Variants in EGFR observed in about 807,000 individuals in gnomAD.
EGFR encodes the protein epidermal growth factor receptor, also known as avian erythroblastic leukemia viral (v-erb-b) oncogene homolog.
In EGFR, 58 loss-of-function variants were observed where a neutral mutation model predicts 143.0. That is an observed-to-expected ratio of 0.41 (90% CI 0.33 to 0.50). EGFR has a LOEUF of 0.50. EGFR is among the 20% of genes least tolerant of loss of function. The pLI, the probability that EGFR is intolerant of heterozygous loss-of-function variation, is 0.39. For synonymous variants in EGFR, 613 were observed against 594.4 expected, an observed-to-expected ratio of 1.03 and a Z score of -0.45; for missense variants, 1,307 against 1,579.0, an observed-to-expected ratio of 0.83 and a Z score of 2.92.
intron 3 of EGFR, among the ~76,000 whole-genome samples, chr7:55,146,155 G>A (rs928956059): frequency 2.0e-5 from 3 of 151,626 alleles, no homozygotes; most frequent in Non-Finnish European, 2.9e-5. Context: ...GAAAAGCTCC[G>A]CCTGGGCATG....
chr7:55,100,300 GACACCATGAGCTC>G, intron 1 of EGFR, among the ~76,000 whole-genome samples: 1 of 152,336 alleles, frequency 6.6e-6, no homozygotes, highest in South Asian at 2.1e-4. Flanking sequence ...CCTCCTTGGG[GACACCATGAGCTC>G]ACTGTCATCA....
chr7:55,054,711 C>T (rs1474591818), intron 1 of EGFR, among the ~76,000 whole-genome samples: 1 of 152,176 alleles, frequency 6.6e-6, no homozygotes, highest in Non-Finnish European at 1.5e-5. Context: ...AGGTCTGGAC[C>T]CCTTGCGGGG....
rs575452085 is a variant in EGFR at position 55,092,686 on chromosome 7, T to C, written c.89-49600T>C. On this transcript the variant is annotated intron_variant, in intron 1 of 27. Coordinates refer to ENST00000275493, the MANE Select transcript of EGFR (RefSeq NM_005228.5). ...TCTCCGCCAGATCAAAACAAGCTCG[T>C]AGTATTAGATGTCACCGAGCACCAT... 6.6e-5 allele frequency among the ~76,000 whole-genome samples: 10 copies of C among 152,320 alleles called. 1 individual carries two copies. In the South Asian group the frequency reaches 2.1e-3, roughly 32 times the overall value.
intron 12 of EGFR, 56 bp from the exon 13 acceptor site, chr7:55,161,443 G>A (rs535570056): frequency 2.0e-5 from 31 of 1,582,474 alleles, no homozygotes; most frequent in Admixed American, 5.3e-5. Context: ...CGTCTCCTCC[G>A]GCCCCTCGGG....
At chr7:55,041,139 G>A (rs10243865) in intron 1 of EGFR, among the ~76,000 whole-genome samples, 6 of 152,292 alleles carry the variant, frequency 3.9e-5, no homozygotes, top group South Asian at 4.1e-4. Flanking sequence ...AAATCCAGGC[G>A]CAGTGGCTCA....
chr7:55,129,309 G>A (rs1038859890), intron 1 of EGFR, among the ~76,000 whole-genome samples: 1 of 152,214 alleles, frequency 6.6e-6, no homozygotes, highest in African/African-American at 2.4e-5. Context: ...GGAAAGCACT[G>A]GGGTGAGAAA....
chr7:55,034,190 T>C (rs913600944), intron 1 of EGFR, among the ~76,000 whole-genome samples: 1 of 152,196 alleles, frequency 6.6e-6, no homozygotes, highest in Non-Finnish European at 1.5e-5. Context: ...GAGAAAAGAA[T>C]GGATTTGTAT....
intron 1 of EGFR, among the ~76,000 whole-genome samples, chr7:55,089,939 CTTATTTATTTAT>C (rs201718066): frequency 0.28 from 41,301 of 145,058 alleles, 7,484 homozygotes; most frequent in East Asian, 0.89. Context: ...GGTGATGCTA[CTTATTTATTTAT>C]TTATTTATTT....
At chr7:55,143,512 TG>T (rs1794585664) in intron 3 of EGFR, 24 bp downstream of exon 3, 3 of 1,613,916 alleles carry the variant, frequency 1.9e-6, no homozygotes, top group South Asian at 1.1e-5. Flanking sequence ...ATGCCAAGGC[TG>T]GGGGTTCATA....
At chr7:55,131,441 G>A (rs1285670537) in intron 1 of EGFR, among the ~76,000 whole-genome samples, 5 of 152,114 alleles carry the variant, frequency 3.3e-5, no homozygotes. Flanking sequence ...TTTTAGGAAG[G>A]TTATTTTTCT....
intron 1 of EGFR, among the ~76,000 whole-genome samples, chr7:55,116,548 C>T (rs1792857477): frequency 6.6e-6 from 1 of 151,930 alleles, no homozygotes; most frequent in African/African-American, 2.4e-5. Flanking sequence ...CACACACACA[C>T]ACACACACAA....
At chr7:55,104,437 C>T (rs1376594007) in intron 1 of EGFR, among the ~76,000 whole-genome samples, 1 of 152,210 alleles carries the variant, frequency 6.6e-6, no homozygotes, top group Non-Finnish European at 1.5e-5. Context: ...CAGTCCTGCC[C>T]TAGCTGCCTA....
chr7:55,164,211 G>A (rs953420462), intron 14 of EGFR, among the ~76,000 whole-genome samples: 1 of 152,078 alleles, frequency 6.6e-6, no homozygotes, highest in South Asian at 2.1e-4. Flanking sequence ...GAAATTGCTA[G>A]CAAAACTTTT....
At chr7:55,055,650 A>T (rs1788761962) in intron 1 of EGFR, among the ~76,000 whole-genome samples, 1 of 151,218 alleles carries the variant, frequency 6.6e-6, no homozygotes, top group Non-Finnish European at 1.5e-5. Context: ...TGATTGCCCA[A>T]CTTCCTCTCT....
At chr7:55,100,579 C>T (rs997979399) in intron 1 of EGFR, among the ~76,000 whole-genome samples, 1 of 152,200 alleles carries the variant, frequency 6.6e-6, no homozygotes, top group African/African-American at 2.4e-5. Flanking sequence ...TGACCCTGCT[C>T]AAAGCTGTGG....
chr7:55,112,626 C>T, intron 1 of EGFR, among the ~76,000 whole-genome samples: 1 of 152,166 alleles, frequency 6.6e-6, no homozygotes, highest in Non-Finnish European at 1.5e-5. Context: ...TCCTGTGAAG[C>T]GAGGAAGGGT....
At chr7:55,157,462 A>G (rs1171321963) in intron 10 of EGFR, among the ~76,000 whole-genome samples, 1 of 152,236 alleles carries the variant, frequency 6.6e-6, no homozygotes, top group Admixed American at 6.5e-5. Context: ...GGAAGGCGGG[A>G]GGCAGCTGTG....
chr7:55,173,037 G>A lies in EGFR; in HGVS notation c.1974G>A (p.Leu658=), dbSNP rs2128952494. 1 of 1,614,052 alleles carries A rather than the reference G, an allele frequency of 6.2e-7. No individual in the cohort carries two copies. The highest frequency in any genetic ancestry group is 8.5e-7 in the Non-Finnish European group (1 of 1,180,034). The change falls in exon 17 of 28, where the codon CTG becomes CTA. Residue 658 remains leucine, a synonymous_variant. Coordinates refer to ENST00000275493, the MANE Select transcript of EGFR (RefSeq NM_005228.5). ...TGMVGALLLL[L]VVALGIGLFM... ...TGGTGGGGGCCCTCCTCTTGCTGCT[G>A]GTGGTGGCCCTGGGGATCGGCCTCT... is the stretch of plus-strand genomic sequence containing the variant.
Position 55,208,239 on chromosome 7 carries a change from C to G in EGFR, c.*2622C>G, listed in dbSNP as rs1021276925. 6.6e-6 allele frequency: 1 copy of G among 152,130 alleles called. No homozygotes were observed. Among genetic ancestry groups the G allele is most frequent in the Admixed American group, 6.5e-5 (1 of 15,282 alleles). The allele number at this position is 152,130 out of a possible 1,614,324, so 9.4% of individuals were successfully genotyped here. ...AGCCGCAAAGCCCTTAGCCTCTTCACGGATCTGGCGACTGTGATGGGCAGG... is the reference window on the plus strand; with the variant it reads ...AGCCGCAAAGCCCTTAGCCTCTTCAGGGATCTGGCGACTGTGATGGGCAGG... On this transcript the variant is annotated 3_prime_UTR_variant, in exon 28 of 28. Coordinates refer to ENST00000275493, the MANE Select transcript of EGFR (RefSeq NM_005228.5).
Sources: gnomAD v4.1 joint callset for allele counts (sites outside exome capture counted in the v4.1 genomes callset) on GRCh38, gnomAD v4.1.1 for gene constraint, MANE v1.5 for transcripts, NCBI Gene and HGNC (gene_info 2026-07-23, HGNC 2026-07-21) for gene names.